Variants in CRPPA observed in about 807,000 individuals in gnomAD.
CRPPA encodes the protein CDP-L-ribitol pyrophosphorylase A, also known as D-ribitol-5-phosphate cytidylyltransferase.
In CRPPA, 43 loss-of-function variants were observed where a neutral mutation model predicts 52.0. The observed-to-expected ratio is 0.83, with a 90% confidence interval of 0.65 to 1.07. The LOEUF (loss-of-function observed/expected upper bound fraction) is 1.07, where lower values mean the gene tolerates loss of function less well. Ranked by LOEUF, CRPPA falls within the 50% of genes least tolerant of loss-of-function variation. The probability of loss-of-function intolerance (pLI) is 0.00; values close to 1 mark genes in which losing one functional copy is unlikely to be tolerated. For missense variants in CRPPA, 629 were observed against 551.7 expected (o/e 1.14, Z -1.40); for synonymous variants, 250 against 203.5 (o/e 1.23, Z -1.94).
intron 9 of CRPPA, among the ~76,000 whole-genome samples, chr7:16,174,577 G>A (rs1781256618): frequency 6.6e-6 from 1 of 151,768 alleles, no homozygotes; most frequent in Non-Finnish European, 1.5e-5. Flanking sequence ...ATATTCATAA[G>A]GAAAAAGCAT....
chr7:16,353,233 G>C (rs1178116576), intron 3 of CRPPA, among the ~76,000 whole-genome samples: 2 of 151,804 alleles, frequency 1.3e-5, no homozygotes, highest in Non-Finnish European at 1.5e-5. Context: ...ACTGCCTGTG[G>C]TCCGAGTTAC....
chr7:16,242,364 T>C (rs1009041742), intron 8 of CRPPA, among the ~76,000 whole-genome samples: 16 of 152,194 alleles, frequency 1.1e-4, no homozygotes, highest in East Asian at 5.8e-4. Context: ...GTTTTCATCA[T>C]TACTTAATGA....
intron 6 of CRPPA, among the ~76,000 whole-genome samples, chr7:16,273,647 C>A (rs952824166): frequency 1.3e-5 from 2 of 152,100 alleles, no homozygotes; most frequent in South Asian, 4.2e-4. Context: ...TGATTCCTCC[C>A]GGACACCGAA....
intron 6 of CRPPA, among the ~76,000 whole-genome samples, chr7:16,260,133 T>C (rs923781635): frequency 2.0e-5 from 3 of 152,074 alleles, no homozygotes; most frequent in African/African-American, 4.8e-5. Flanking sequence ...TGGTAACATC[T>C]AGATATTACA....
chr7:16,226,982 C>T (rs1782668767), intron 8 of CRPPA, among the ~76,000 whole-genome samples: 1 of 151,864 alleles, frequency 6.6e-6, no homozygotes, highest in Non-Finnish European at 1.5e-5. Flanking sequence ...ACATGAGCAA[C>T]ATCATTCAGT....
chr7:16,167,297 C>A (rs923144819), intron 9 of CRPPA, among the ~76,000 whole-genome samples: 2 of 152,200 alleles, frequency 1.3e-5, no homozygotes, highest in African/African-American at 4.8e-5. Context: ...CTTATTTATA[C>A]ACTATTTCCT....
intron 9 of CRPPA, among the ~76,000 whole-genome samples, chr7:16,119,548 C>CA (rs1782443060): frequency 6.6e-6 from 1 of 152,124 alleles, no homozygotes; most frequent in South Asian, 2.1e-4. Context: ...CAGAGATTGT[C>CA]AAGATGGATT....
intron 5 of CRPPA, among the ~76,000 whole-genome samples, chr7:16,294,677 T>C (rs916613675): frequency 5.3e-5 from 8 of 151,982 alleles, no homozygotes; most frequent in African/African-American, 1.2e-4. Context: ...GAAAATTAAG[T>C]GTCATACTCA....
chr7:16,344,134 T>C (rs1785940790), intron 3 of CRPPA, among the ~76,000 whole-genome samples: 2 of 152,170 alleles, frequency 1.3e-5, no homozygotes, highest in Non-Finnish European at 2.9e-5. Flanking sequence ...AAAGTTGTCA[T>C]ATTGTGTTAA....
chr7:16,288,670 AC>A (rs1166883932), intron 5 of CRPPA, among the ~76,000 whole-genome samples: 1 of 151,470 alleles, frequency 6.6e-6, no homozygotes, highest in Admixed American at 6.6e-5. Flanking sequence ...ACATGGTGAG[AC>A]CCCCATCTCT....
intron 8 of CRPPA, among the ~76,000 whole-genome samples, chr7:16,226,470 A>C (rs1782654195): frequency 6.6e-6 from 1 of 151,892 alleles, no homozygotes; most frequent in Non-Finnish European, 1.5e-5. Flanking sequence ...ACATCATGTG[A>C]TAGAGCAGAC....
At chr7:16,319,771 T>G (rs1396585671) in intron 3 of CRPPA, among the ~76,000 whole-genome samples, 1 of 152,116 alleles carries the variant, frequency 6.6e-6, no homozygotes, top group East Asian at 1.9e-4. Flanking sequence ...ACACACTCAG[T>G]CCTTCTACAG....
rs1342229238 is a variant in CRPPA at position 16,089,591 on chromosome 7, A to G, written c.*2104T>C. The G allele has an allele frequency of 1.3e-5, 3 of 229,556 alleles. No homozygotes were observed. Among genetic ancestry groups the G allele is most frequent in the South Asian group, 4.9e-5 (1 of 20,236 alleles). The allele number at this position is 229,556 out of a possible 1,614,324, so 14.2% of individuals were successfully genotyped here. A position where few individuals can be genotyped will look rare whatever the true frequency, so the allele number is the denominator to read the frequency against. On this transcript the variant is annotated 3_prime_UTR_variant, in exon 10 of 10. Coordinates refer to ENST00000407010, the MANE Select transcript of CRPPA (RefSeq NM_001101426.4). Reference sequence around the variant, plus strand: ...CATATATATGGGTATACATGCATGTATATACATATATATGGGTATACATAC... The same window carrying G: ...CATATATATGGGTATACATGCATGTGTATACATATATATGGGTATACATAC...
intron 5 of CRPPA, among the ~76,000 whole-genome samples, chr7:16,281,486 T>C (rs10282434): frequency 6.6e-6 from 1 of 151,958 alleles, no homozygotes; most frequent in Non-Finnish European, 1.5e-5. Flanking sequence ...TTCTTTCCAA[T>C]CTATAATTTT....
At chr7:16,202,453 C>T (rs1781881496) in intron 9 of CRPPA, among the ~76,000 whole-genome samples, 1 of 152,118 alleles carries the variant, frequency 6.6e-6, no homozygotes, top group Admixed American at 6.6e-5. Flanking sequence ...ACATACTGGT[C>T]ACTCAGCAGT....
intron 2 of CRPPA, among the ~76,000 whole-genome samples, chr7:16,405,742 C>T (rs553421907): frequency 2.6e-5 from 4 of 152,118 alleles, no homozygotes; most frequent in South Asian, 2.1e-4. Context: ...TCCTTTACTT[C>T]TGAGAGATTT....
At chr7:16,237,087 G>A (rs117053608) in intron 8 of CRPPA, among the ~76,000 whole-genome samples, 126 of 152,060 alleles carry the variant, frequency 8.3e-4, no homozygotes, top group Non-Finnish European at 1.1e-3. Flanking sequence ...CTAATCTTCC[G>A]TATCTTACTA....
At chr7:16,141,127 T>A (rs1350658557) in intron 9 of CRPPA, among the ~76,000 whole-genome samples, 2 of 152,118 alleles carry the variant, frequency 1.3e-5, no homozygotes, top group African/African-American at 4.8e-5. Flanking sequence ...CCAGGCTGCC[T>A]CCTGTTTTTT....
intron 3 of CRPPA, among the ~76,000 whole-genome samples, chr7:16,337,793 C>A (rs1344098971): frequency 1.3e-5 from 2 of 152,066 alleles, no homozygotes; most frequent in Non-Finnish European, 2.9e-5. Flanking sequence ...TTCCTAAACA[C>A]AGACAACCTA....
Sources: allele counts gnomAD v4.1 joint callset (sites outside exome capture counted in the v4.1 genomes callset), GRCh38; gene constraint gnomAD v4.1.1; transcripts MANE v1.5; gene names NCBI Gene and HGNC (gene_info 2026-07-23, HGNC 2026-07-21).